Variants in MYO16 observed in about 807,000 individuals in gnomAD.
MYO16 encodes unconventional myosin-XVI.
Under a neutral mutation model 205.3 loss-of-function variants are expected in MYO16, and 94 were observed. The ratio of observed to expected loss-of-function variants is 0.46; its 90% CI spans 0.39 to 0.54. The LOEUF is 0.54. Ranked by LOEUF, MYO16 falls within the 20% of genes least tolerant of loss-of-function variation. The pLI, the probability that MYO16 is intolerant of heterozygous loss-of-function variation, is 0.00. For missense variants in MYO16, 2,315 were observed against 2,387.5 expected, an observed-to-expected ratio of 0.97 and a Z score of 0.63; for synonymous variants, 988 against 954.0, an observed-to-expected ratio of 1.04 and a Z score of -0.66.
At chr13:109,031,153 G>A (rs569936998) in intron 23 of MYO16, among the ~76,000 whole-genome samples, 206 of 152,166 alleles carry the variant, frequency 1.4e-3, no homozygotes, top group Admixed American at 2.2e-3. Context: ...GTGCAACGGC[G>A]CGATCTCGGC....
chr13:109,172,011 C>G (rs2139895148), intron 33 of MYO16, among the ~76,000 whole-genome samples: 1 of 152,336 alleles, frequency 6.6e-6, no homozygotes, highest in Admixed American at 6.5e-5. Flanking sequence ...AATCTGCATT[C>G]TGTGCTCTGA....
chr13:109,120,051 C>G (rs1323347824), intron 28 of MYO16, among the ~76,000 whole-genome samples: 1 of 152,138 alleles, frequency 6.6e-6, no homozygotes, highest in Non-Finnish European at 1.5e-5. Flanking sequence ...TGGGAGAATC[C>G]ATTCATGGGG....
At chr13:108,820,473 G>A in intron 8 of MYO16, 61 bp downstream of exon 8, 2 of 1,353,740 alleles carry the variant, frequency 1.5e-6, no homozygotes, top group Non-Finnish European at 2.1e-6. Flanking sequence ...TCATATTGGA[G>A]TAGCCATCCA....
rs368866997 is a variant in MYO16, at chr13:108,866,272, TA to T, written c.1425+32del. 9.7e-4 allele frequency: 1,344 copies of T among 1,388,788 alleles called. 12 individuals are homozygous for T. In the African/African-American group the frequency reaches 0.017, roughly 18 times the overall value. 86.0% of individuals were successfully genotyped at this position (1,388,788 alleles called of 1,614,324 possible). ...GCACAAAATTTTAAATATCATTGAA[TA>T]ATGTAGAGTAATACTTTCTAGTCAT... On this transcript the variant is annotated intron_variant, in intron 12 of 34. Coordinates refer to ENST00000457511, the MANE Select transcript of MYO16 (RefSeq NM_001198950.3).
rs556022875 is a variant in MYO16 at position 108,824,814 on chromosome 13, A to C, written c.1097+1536A>C. Among the ~76,000 whole-genome samples the C allele has an allele frequency of 2.6e-5, 4 of 152,236 alleles. No homozygotes were observed. The East Asian group carries it at 7.7e-4, about 29-fold the overall frequency. ...ACCAAAATATTAGATAACCTAGATG[A>C]AATTGATGAATTCCAAGGAAACACC... On this transcript the variant is annotated intron_variant, in intron 9 of 34. Coordinates refer to ENST00000457511, the MANE Select transcript of MYO16 (RefSeq NM_001198950.3).
chr13:108,580,078 TA>T, the MYO16 span, among the ~76,000 whole-genome samples: 1 of 152,156 alleles, frequency 6.6e-6, no homozygotes, highest in Non-Finnish European at 1.5e-5. Context: ...GTTTGATACT[TA>T]AAAATATAGA....
At chr13:108,610,909 G>A (rs770227876) in intron 1 of MYO16, among the ~76,000 whole-genome samples, 18 of 152,246 alleles carry the variant, frequency 1.2e-4, no homozygotes, top group South Asian at 8.3e-4. Context: ...TAAGTCTACC[G>A]GAAGTTCATT....
intron 11 of MYO16, among the ~76,000 whole-genome samples, chr13:108,858,416 A>G (rs1878300116): frequency 6.6e-6 from 1 of 152,152 alleles, no homozygotes; most frequent in Non-Finnish European, 1.5e-5. Flanking sequence ...AGCTCTTCCA[A>G]CCTGCACGTC....
At chr13:109,116,097 T>C (rs1306336688) in intron 28 of MYO16, among the ~76,000 whole-genome samples, 1 of 152,198 alleles carries the variant, frequency 6.6e-6, no homozygotes, top group Non-Finnish European at 1.5e-5. Flanking sequence ...AAATGGTCCA[T>C]TGGATACCCA....
Position 108,666,043 on chromosome 13 carries a change from G to A in MYO16, c.186G>A (p.Lys62=), listed in dbSNP as rs1369366497. The A allele has an allele frequency of 6.2e-7, 1 of 1,614,146 alleles. No homozygotes were observed. Among genetic ancestry groups the A allele is most frequent in the East Asian group, 2.2e-5 (1 of 44,876 alleles). Residue 62 remains lysine (K), a synonymous_variant, in exon 2 of 35, where the codon AAG becomes AAA. Transcript: ENST00000457511. ...AYYEREKAFQ[K]QEGFLKRLKH... is the part of the protein sequence containing the mutation. ...ATGAGCGCGAGAAGGCTTTTCAGAA[G>A]CAGGAAGGGTTCCTGAAAAGGCTGA... is the stretch of plus-strand genomic sequence containing the variant.
intron 32 of MYO16, among the ~76,000 whole-genome samples, chr13:109,142,680 A>G (rs1394291035): frequency 6.6e-6 from 1 of 152,060 alleles, no homozygotes; most frequent in Non-Finnish European, 1.5e-5. Flanking sequence ...TTTGCAACCA[A>G]TCAGATGTTT....
At chr13:108,516,133 G>A in the MYO16 span, among the ~76,000 whole-genome samples, 8 of 151,676 alleles carry the variant, frequency 5.3e-5, no homozygotes, top group Admixed American at 2.0e-4. Flanking sequence ...GCGCGATTCC[G>A]TGGGCGTAGG....
chr13:108,794,318 G>C (rs9555506), intron 6 of MYO16, among the ~76,000 whole-genome samples: 9 of 151,988 alleles, frequency 5.9e-5, no homozygotes, highest in Admixed American at 5.9e-4. Flanking sequence ...ATCCCACTGA[G>C]CCTAAAATAA....
chr13:109,005,315 G>T (rs1885352793), intron 21 of MYO16, among the ~76,000 whole-genome samples: 1 of 152,060 alleles, frequency 6.6e-6, no homozygotes, highest in African/African-American at 2.4e-5. Flanking sequence ...ATTTATCACT[G>T]AATTTAAGAA....
chr13:109,092,344 G>A (rs1177636412), intron 27 of MYO16, among the ~76,000 whole-genome samples: 1 of 152,072 alleles, frequency 6.6e-6, no homozygotes, highest in Non-Finnish European at 1.5e-5. Context: ...ATGCCCATCA[G>A]TGACAGATTG....
intron 21 of MYO16, among the ~76,000 whole-genome samples, chr13:109,006,407 T>G (rs1023949949): frequency 6.6e-6 from 1 of 152,044 alleles, no homozygotes; most frequent in African/African-American, 2.4e-5. Context: ...ACCAGGATAA[T>G]TTTTGTATTT....
chr13:108,691,640 C>T (rs1312341217), intron 2 of MYO16, among the ~76,000 whole-genome samples: 2 of 152,098 alleles, frequency 1.3e-5, no homozygotes, highest in Non-Finnish European at 2.9e-5. Context: ...TGGGCTCAAG[C>T]GAGCCTCCCG....
chr13:109,205,270 G>A (rs1038333043), intron 34 of MYO16, among the ~76,000 whole-genome samples: 4 of 152,132 alleles, frequency 2.6e-5, no homozygotes, highest in African/African-American at 7.2e-5. Flanking sequence ...TGACCTTCAT[G>A]CTGTAAACAT....
chr13:108,673,021 G>A (rs911166379), intron 2 of MYO16, among the ~76,000 whole-genome samples: 1 of 152,106 alleles, frequency 6.6e-6, no homozygotes, highest in Non-Finnish European at 1.5e-5. Flanking sequence ...AACATATGTA[G>A]TAGGTACATA....
Sources: gnomAD v4.1 joint callset for allele counts (sites outside exome capture counted in the v4.1 genomes callset) on GRCh38, gnomAD v4.1.1 for gene constraint, MANE v1.5 for transcripts, NCBI Gene and HGNC (gene_info 2026-07-23, HGNC 2026-07-21) for gene names.